ZCCHC2: variants seen among roughly 807,000 people sequenced by gnomAD.
The protein encoded by ZCCHC2 is zinc finger CCHC domain-containing protein 2.
A neutral mutation model predicts 103.6 loss-of-function variants in ZCCHC2; 39 were observed. The observed-to-expected ratio is 0.38, with a 90% CI of 0.29 to 0.49. The LOEUF (loss-of-function observed/expected upper bound fraction) is 0.49, where lower values mean the gene tolerates loss of function less well. Ranked by LOEUF, ZCCHC2 falls within the 20% of genes least tolerant of loss-of-function variation. The pLI is 0.96. For synonymous variants in ZCCHC2, 687 were observed against 608.9 expected, an observed-to-expected ratio of 1.13 and a Z score of -1.89; for missense variants, 1,483 against 1,491.0, an observed-to-expected ratio of 0.99 and a Z score of 0.09.
At chr18:62,554,749 A>G (rs1449201795) in intron 5 of ZCCHC2, among the ~76,000 whole-genome samples, 1 of 152,156 alleles carries the variant, frequency 6.6e-6, no homozygotes, top group African/African-American at 2.4e-5. Context: ...TTGGATTTTA[A>G]TGTCAGCCTT....
chr18:62,540,181 T>C (rs1044552231), intron 2 of ZCCHC2, among the ~76,000 whole-genome samples: 1 of 152,210 alleles, frequency 6.6e-6, no homozygotes, highest in Non-Finnish European at 1.5e-5. Context: ...AATAAGTTAC[T>C]TACAAATCCA....
chr18:62,524,616 G>T (rs1598921335), intron 1 of ZCCHC2: 1 of 481,332 alleles, frequency 2.1e-6, no homozygotes, highest in Non-Finnish European at 3.5e-6. Context: ...AGTCCCTTCC[G>T]TGCCACGGTG....
At chr18:62,567,498 C>T (rs1004368015) in intron 11 of ZCCHC2, among the ~76,000 whole-genome samples, 2 of 152,156 alleles carry the variant, frequency 1.3e-5, no homozygotes, top group African/African-American at 4.8e-5. Flanking sequence ...AAACAAAGAT[C>T]GCTCCCAGCC....
intron 12 of ZCCHC2, among the ~76,000 whole-genome samples, chr18:62,572,897 A>G (rs1433773446): frequency 6.6e-6 from 1 of 152,176 alleles, no homozygotes. Flanking sequence ...TTATTTTGCA[A>G]AGTTTAGCAA....
In ZCCHC2 at chr18:62,550,321, T is replaced by C. The variant is rs543207156; in HGVS notation, c.1201-27T>C. 1.2e-5 allele frequency: 18 copies of C among 1,520,514 alleles called. No individual in the cohort carries two copies. The South Asian group carries it at 2.1e-4, about 18-fold the overall frequency. 94.2% of individuals were successfully genotyped at this position (1,520,514 alleles called of 1,614,324 possible). ...TTACCAGTAAGTGAGAAACTTAACA[T>C]TGGATATTGTGGTTTTTCTTTTCTA... is the stretch of plus-strand genomic sequence containing the variant. On this transcript the variant is annotated intron_variant, in intron 4 of 13. Coordinates refer to ENST00000269499, the MANE Select transcript of ZCCHC2 (RefSeq NM_017742.6).
intron 8 of ZCCHC2, among the ~76,000 whole-genome samples, chr18:62,561,955 C>A (rs1028446484): frequency 2.0e-5 from 3 of 152,028 alleles, no homozygotes; most frequent in African/African-American, 4.8e-5. Flanking sequence ...ACTCCAAATC[C>A]TTGTATGTTA....
rs1486790827 is a variant in ZCCHC2, at chr18:62,574,938, G to A, written c.2857G>A (p.Ala953Thr). 1.2e-6 allele frequency: 2 copies of A among 1,613,686 alleles called. No individual in the cohort carries two copies. The highest frequency in any genetic ancestry group is 1.7e-6 in the Non-Finnish European group (2 of 1,179,886). The change falls in exon 13 of 14, where the codon GCC (alanine) becomes ACC (threonine). Residue 953 changes from alanine to threonine, a missense_variant. Physicochemically the swap from Ala to Thr is moderately conservative, Grantham distance 58 (BLOSUM62 0). Coordinates refer to ENST00000269499, the MANE Select transcript of ZCCHC2 (RefSeq NM_017742.6). ...GCCAGCGAGCGCAGGTATCAGCCAG[G>A]CCCAGGCAACTGTTCCTCCTGCAGT... ...PQPASAGISQ[A>T]QATVPPAVPT... is the part of the protein sequence containing the mutation.
chr18:62,543,770 C>G (rs999251414), intron 3 of ZCCHC2, among the ~76,000 whole-genome samples: 3 of 152,172 alleles, frequency 2.0e-5, no homozygotes, highest in Non-Finnish European at 4.4e-5. Flanking sequence ...GATGGAAATT[C>G]TTATATATTC....
Position 62,576,836 on chromosome 18 carries a change from G to T in ZCCHC2, c.*257G>T. 2 of 282,528 alleles carry T rather than the reference G, an allele frequency of 7.1e-6. No homozygotes were observed. The highest frequency in any genetic ancestry group is 6.4e-5 in the East Asian group (1 of 15,736). 17.5% of individuals were successfully genotyped at this position (282,528 alleles called of 1,614,324 possible). On this transcript the variant is annotated 3_prime_UTR_variant, in exon 14 of 14. Coordinates refer to ENST00000269499, the MANE Select transcript of ZCCHC2 (RefSeq NM_017742.6). ...AAACCTTCAGACAAACTTAAATGTT[G>T]GTGCGTGCTTTTTTTTTTTTTTTTA...
At chr18:62,571,615 A>T (rs1916602281) in intron 12 of ZCCHC2, among the ~76,000 whole-genome samples, 1 of 152,198 alleles carries the variant, frequency 6.6e-6, no homozygotes, top group South Asian at 2.1e-4. Context: ...TCTCTTTAAA[A>T]ATGTGTATGT....
intron 4 of ZCCHC2, among the ~76,000 whole-genome samples, chr18:62,549,995 A>G (rs921873424): frequency 6.6e-6 from 1 of 152,242 alleles, no homozygotes; most frequent in Admixed American, 6.5e-5. Flanking sequence ...GCTGAGCAGA[A>G]TCTTCACCTT....
chr18:62,585,011 AG>A (rs1306688521), exon 15 of ZCCHC2: 3 of 152,318 alleles, frequency 2.0e-5, no homozygotes, highest in African/African-American at 7.2e-5. Context: ...CTCTGGACTG[AG>A]GAGGGCTGGA....
chr18:62,571,841 C>A (rs757482832), intron 12 of ZCCHC2, among the ~76,000 whole-genome samples: 29 of 150,580 alleles, frequency 1.9e-4, no homozygotes, highest in Admixed American at 5.9e-4. Flanking sequence ...GTTGTGGTAT[C>A]ACGCTATGTC....
At chr18:62,562,968 G>A (rs1360796056) in intron 8 of ZCCHC2, 41 bp from the exon 9 acceptor site, 1 of 1,579,558 alleles carries the variant, frequency 6.3e-7, no homozygotes, top group Non-Finnish European at 8.7e-7. Context: ...GGTTATTATT[G>A]AGGGCAGATT....
At chr18:62,525,699 T>C (rs1428365079) in intron 1 of ZCCHC2, among the ~76,000 whole-genome samples, 2 of 152,136 alleles carry the variant, frequency 1.3e-5, no homozygotes, top group Non-Finnish European at 2.9e-5. Flanking sequence ...TTTTGGGACG[T>C]ATTTTATCAA....
chr18:62,538,877 AATTG>A (rs1297640031), intron 1 of ZCCHC2, among the ~76,000 whole-genome samples: 1 of 152,212 alleles, frequency 6.6e-6, no homozygotes, highest in Non-Finnish European at 1.5e-5. Context: ...GTAAAATCAT[AATTG>A]ATTCTTAAAA....
chr18:62,539,525 T>C, intron 1 of ZCCHC2, 156 bp from the exon 2 acceptor site: 1 of 545,342 alleles, frequency 1.8e-6, no homozygotes, highest in Admixed American at 3.2e-5. Flanking sequence ...CTTGCGGCTC[T>C]CACACTGTGC....
At chr18:62,566,032 G>A (rs1374713407) in intron 11 of ZCCHC2, among the ~76,000 whole-genome samples, 3 of 152,132 alleles carry the variant, frequency 2.0e-5, no homozygotes, top group African/African-American at 7.2e-5. Flanking sequence ...ATCACCTGAG[G>A]TCAGGAGCTC....
chr18:62,576,265 A>G lies in ZCCHC2; in HGVS notation c.3470-247A>G, dbSNP rs1317121483. Among the ~76,000 whole-genome samples the G allele has an allele frequency of 2.0e-5, 3 of 152,358 alleles. No individual in the cohort carries two copies. The South Asian group carries it at 6.2e-4, about 32-fold the overall frequency. ...GCCAAATCTTACCCAGAAACAAAAAAAGTCTTAAATTGGGAATATATTTAC... is the reference window on the plus strand; with the variant it reads ...GCCAAATCTTACCCAGAAACAAAAAGAGTCTTAAATTGGGAATATATTTAC... On this transcript the variant is annotated intron_variant, in intron 13 of 13. Transcript: ENST00000269499.
Sources: gnomAD v4.1 joint callset for allele counts (sites outside exome capture counted in the v4.1 genomes callset) on GRCh38, gnomAD v4.1.1 for gene constraint, MANE v1.5 for transcripts, NCBI Gene and HGNC (gene_info 2026-07-23, HGNC 2026-07-21) for gene names.